Variants in FAM186A observed in about 807,000 individuals in gnomAD.
The protein encoded by FAM186A is protein FAM186A.
FAM186A carries 163 observed loss-of-function variants against 216.8 expected under a neutral mutation model. The observed-to-expected ratio is 0.75, with a 90% CI of 0.66 to 0.86. FAM186A has a LOEUF of 0.86. Ranked by LOEUF, FAM186A falls within the 40% of genes least tolerant of loss-of-function variation. The probability of loss-of-function intolerance (pLI) is 0.00; values close to 1 mark genes in which losing one functional copy is unlikely to be tolerated. For synonymous variants in FAM186A, 805 were observed against 1,025.3 expected (o/e 0.79, Z 4.10); for missense variants, 2,184 against 2,746.2 (o/e 0.80, Z 4.58).
intron 3 of FAM186A, among the ~76,000 whole-genome samples, chr12:50,357,674 T>A (rs139676779): frequency 2.6e-4 from 40 of 152,272 alleles, no homozygotes; most frequent in African/African-American, 8.4e-4. Flanking sequence ...GAGAAGCATT[T>A]ATTCACGAAA....
At chr12:50,332,984 C>T (rs868800699) in intron 5 of FAM186A, among the ~76,000 whole-genome samples, 4 of 151,866 alleles carry the variant, frequency 2.6e-5, no homozygotes, top group Admixed American at 6.6e-5. Flanking sequence ...GCCGAGATCA[C>T]GCCACTGCAC....
At chr12:50,392,067 G>C (rs1943361686) in intron 1 of FAM186A, among the ~76,000 whole-genome samples, 1 of 146,926 alleles carries the variant, frequency 6.8e-6, no homozygotes, top group Non-Finnish European at 1.5e-5. Context: ...ATACTGTATG[G>C]CTCCACTTAT....
At chr12:50,382,915 T>G (rs1943266284) in intron 1 of FAM186A, among the ~76,000 whole-genome samples, 1 of 152,010 alleles carries the variant, frequency 6.6e-6, no homozygotes, top group African/African-American at 2.4e-5. Context: ...TTAAGACTGC[T>G]GAGGAGTTAT....
At chr12:50,338,952 A>C (rs952968713) in intron 4 of FAM186A, among the ~76,000 whole-genome samples, 4 of 152,332 alleles carry the variant, frequency 2.6e-5, no homozygotes, top group South Asian at 2.1e-4. Flanking sequence ...AGATTAGATT[A>C]GCATGATTCT....
Position 50,355,422 on chromosome 12 carries a change from CTCATAT to C in FAM186A, c.1404_1409del (p.Tyr469_Glu470del). ...TATCACTCAGATTTGGTCCAGAGGT[CTCATAT>C]ACATATGTGGCTTTTTTGTGGCTTC... is the stretch of plus-strand genomic sequence containing the variant. On this transcript the variant is annotated inframe_deletion, in exon 4 of 8. Coordinates refer to ENST00000327337, the MANE Select transcript of FAM186A (RefSeq NM_001145475.3). 3.2e-6 allele frequency: 5 copies of C among 1,551,342 alleles called. No individual in the cohort carries two copies. Among genetic ancestry groups the C allele is most frequent in the Non-Finnish European group, 4.4e-6 (5 of 1,146,980 alleles).
chr12:50,334,969 T>C (rs987302723), intron 4 of FAM186A, among the ~76,000 whole-genome samples: 5 of 152,170 alleles, frequency 3.3e-5, no homozygotes, highest in African/African-American at 9.7e-5. Flanking sequence ...TTTAATATAT[T>C]TTAAAAATTA....
intron 4 of FAM186A, among the ~76,000 whole-genome samples, chr12:50,349,433 C>A (rs1942853160): frequency 2.0e-5 from 3 of 152,014 alleles, no homozygotes; most frequent in Non-Finnish European, 4.4e-5. Context: ...AAGTGATCCT[C>A]CCCCCTCAGA....
intron 1 of FAM186A, among the ~76,000 whole-genome samples, chr12:50,388,146 G>A (rs1398807613): frequency 6.6e-6 from 1 of 152,108 alleles, no homozygotes; most frequent in Non-Finnish European, 1.5e-5. Flanking sequence ...CTGAAGGTTG[G>A]GGGGTGGGGT....
At position 50,351,419 on chromosome 12, in the gene FAM186A, C is replaced by G; in HGVS notation, c.5413G>C (p.Gly1805Arg). The change falls in exon 4 of 8, where the codon GGA becomes CGA. Residue 1805 changes from glycine to arginine, a missense_variant. Coordinates refer to ENST00000327337, the MANE Select transcript of FAM186A (RefSeq NM_001145475.3). Reference sequence around the variant, plus strand: ...AACTGCGCAGAAGTGGATTGACCTCCGTATACCAGGGTCTGTCCAGAGGAA... The same window carrying G: ...AACTGCGCAGAAGTGGATTGACCTCGGTATACCAGGGTCTGTCCAGAGGAA... ...LRSSGQTLVY[G>R]GQSTSAQFPA... The G allele has an allele frequency of 6.8e-7, 1 of 1,466,606 alleles. No individual in the cohort carries two copies. Among genetic ancestry groups the G allele is most frequent in the Non-Finnish European group, 9.0e-7 (1 of 1,109,872 alleles). 90.8% of individuals were successfully genotyped at this position (1,466,606 alleles called of 1,614,324 possible). A position where few individuals can be genotyped will look rare whatever the true frequency, so the allele number is the denominator to read the frequency against.
Position 50,333,998 on chromosome 12 carries a change from C to A in FAM186A, c.6609G>T (p.Lys2203Asn). The A allele has an allele frequency of 2.6e-6, 4 of 1,551,532 alleles. No homozygotes were observed. The highest frequency in any genetic ancestry group is 3.5e-6 in the Non-Finnish European group (4 of 1,146,876). The part of the protein sequence containing the change: ...MLSRLDDYGK[K>N]VMQVWTEKQK... ...GCTTCTCAGTCCAGACCTGCATCAC[C>A]TTTTTCCCGTAGTCATCAAGTCTGC... The change falls in exon 5 of 8, where the codon AAG becomes AAT. Residue 2203 changes from lysine (K) to asparagine (N), a missense_variant. Lys to Asn is a moderately conservative substitution (Grantham distance 94). This residue lies in a region of FAM186A where 721 missense variants were observed against 816.4 expected (regional missense o/e 0.88). Transcript: ENST00000327337.
chr12:50,347,463 G>A (rs959011922), intron 4 of FAM186A, among the ~76,000 whole-genome samples: 1 of 152,072 alleles, frequency 6.6e-6, no homozygotes, highest in Non-Finnish European at 1.5e-5. Context: ...GGGCGCGGTG[G>A]CTCACACCTG....
intron 1 of FAM186A, among the ~76,000 whole-genome samples, chr12:50,385,188 G>A (rs1361135952): frequency 2.0e-5 from 3 of 150,580 alleles, no homozygotes; most frequent in African/African-American, 7.3e-5. Context: ...GGGAGGCCGA[G>A]GTGGGTGGAT....
intron 4 of FAM186A, among the ~76,000 whole-genome samples, chr12:50,338,800 C>T (rs1318865240): frequency 6.6e-6 from 1 of 152,124 alleles, no homozygotes; most frequent in Non-Finnish European, 1.5e-5. Context: ...ACCTGATTCC[C>T]ATTCTTCCAG....
intron 1 of FAM186A, among the ~76,000 whole-genome samples, chr12:50,388,096 C>T (rs376062303): frequency 4.6e-5 from 7 of 152,184 alleles, no homozygotes; most frequent in South Asian, 2.1e-4. Flanking sequence ...AACCATTGGC[C>T]GTAGATAAGC....
At chr12:50,372,998 TGAAAGAAAGAAAGAAAGAAAGAAAGAAA>T (rs71083549) in intron 1 of FAM186A, among the ~76,000 whole-genome samples, 28 of 49,054 alleles carry the variant, frequency 5.7e-4, no homozygotes, top group African/African-American at 1.9e-3. Context: ...AAGGAAGGAA[TGAAAGAAAGAAAGAAAGAAAGAAAGAAA>T]GAAAGAAAGA....
chr12:50,363,770 AAAG>A (rs1565890116), intron 1 of FAM186A, among the ~76,000 whole-genome samples: 10 of 58,546 alleles, frequency 1.7e-4, no homozygotes, highest in South Asian at 7.5e-4. Flanking sequence ...TAAAAAAAAA[AAAG>A]AAAGAAAGAA....
At chr12:50,363,506 C>CA in intron 1 of FAM186A, 142 bp from the exon 2 acceptor site, 1 of 734,452 alleles carries the variant, frequency 1.4e-6, no homozygotes, top group South Asian at 2.3e-5. Flanking sequence ...TTGTGAGTCT[C>CA]AAATTTTCCC....
At chr12:50,366,536 C>A (rs1943088928) in intron 1 of FAM186A, among the ~76,000 whole-genome samples, 1 of 150,180 alleles carries the variant, frequency 6.7e-6, no homozygotes, top group African/African-American at 2.5e-5. Context: ...GGATTATACA[C>A]CACGATCAAG....
chr12:50,332,358 C>T lies in FAM186A; in HGVS notation c.6697-537G>A, dbSNP rs191647019. ...AAATCTGAGGCTCAGAAAATGTAAG[C>T]GGCTTGCATAAAGTCACTTAGCTAG... On this transcript the variant is annotated intron_variant, in intron 5 of 7. Coordinates refer to ENST00000327337, the MANE Select transcript of FAM186A (RefSeq NM_001145475.3). Among the ~76,000 whole-genome samples the T allele has an allele frequency of 1.5e-4, 23 of 152,320 alleles. No individual in the cohort carries two copies. The East Asian group carries it at 4.2e-3, about 28-fold the overall frequency.
Sources: allele counts gnomAD v4.1 joint callset (sites outside exome capture counted in the v4.1 genomes callset), GRCh38; gene constraint gnomAD v4.1.1; regional missense constraint gnomAD v4.1.1; transcripts MANE v1.5; gene names NCBI Gene and HGNC (gene_info 2026-07-23, HGNC 2026-07-21).